IGF2BP1: variants seen among roughly 807,000 people sequenced by gnomAD.
IGF2BP1 encodes the protein insulin-like growth factor 2 mRNA-binding protein 1.
Under a neutral mutation model 74.9 loss-of-function variants are expected in IGF2BP1, and 11 were observed. The observed-to-expected ratio is 0.15, with a 90% CI of 0.09 to 0.24. The LOEUF is 0.24. Among genes scored for constraint, IGF2BP1 ranks in the 10% least tolerant of loss-of-function variants. IGF2BP1 has a pLI of 1.00. For synonymous variants in IGF2BP1, 287 were observed against 281.8 expected, an observed-to-expected ratio of 1.02 and a Z score of -0.18; for missense variants, 440 against 757.4, an observed-to-expected ratio of 0.58 and a Z score of 4.92.
intron 2 of IGF2BP1, among the ~76,000 whole-genome samples, chr17:49,001,442 A>G (rs1260812914): frequency 6.6e-6 from 1 of 152,216 alleles, no homozygotes; most frequent in Admixed American, 6.5e-5. Flanking sequence ...AAAACCCAAC[A>G]ACTAAATGTT....
In IGF2BP1 at chr17:49,031,899, T is replaced by C. The variant is rs752441238; in HGVS notation, c.338-11T>C. The C allele has an allele frequency of 2.5e-6, 4 of 1,613,228 alleles. No homozygotes were observed. The highest frequency in any genetic ancestry group is 3.4e-6 in the Non-Finnish European group (4 of 1,179,384). On this transcript the variant is annotated splice_polypyrimidine_tract_variant and intron_variant, in intron 4 of 14. Coordinates refer to ENST00000290341, the MANE Select transcript of IGF2BP1 (RefSeq NM_006546.4). Reference sequence around the variant, plus strand: ...TCCCTGCTCTGAGGTTATCCTCTCTTTTCTCTGCAGTGAACACCGAGAGTG... The same window carrying C: ...TCCCTGCTCTGAGGTTATCCTCTCTCTTCTCTGCAGTGAACACCGAGAGTG...
intron 9 of IGF2BP1, 111 bp downstream of exon 9, chr17:49,042,488 T>C (rs1337592153): frequency 8.7e-7 from 1 of 1,153,892 alleles, no homozygotes; most frequent in Non-Finnish European, 1.3e-6. Context: ...CTTGGAGCTT[T>C]AGTTGATGCT....
At chr17:49,015,194 A>C (rs2143990311) in intron 2 of IGF2BP1, among the ~76,000 whole-genome samples, 1 of 152,178 alleles carries the variant, frequency 6.6e-6, no homozygotes, top group South Asian at 2.1e-4. Flanking sequence ...GCTGGTCTCG[A>C]ACTTCTGACT....
chr17:48,999,078 C>G (rs758867094), intron 1 of IGF2BP1, 31 bp from the exon 2 acceptor site: 4 of 1,331,112 alleles, frequency 3.0e-6, no homozygotes, highest in South Asian at 2.3e-5. Context: ...TGTTCAAGCT[C>G]TCATGGTAAT....
chr17:49,025,474 AGT>A, intron 2 of IGF2BP1, 142 bp from the exon 3 acceptor site: 2 of 733,606 alleles, frequency 2.7e-6, no homozygotes, highest in Non-Finnish European at 4.6e-6. Flanking sequence ...CATTCCTAAA[AGT>A]GTATTCTTAG....
At chr17:49,042,443 G>T in intron 9 of IGF2BP1, 66 bp downstream of exon 9, 1 of 1,569,994 alleles carries the variant, frequency 6.4e-7, no homozygotes, top group South Asian at 1.1e-5. Flanking sequence ...CTTGTGGGGT[G>T]CAGGGTGATG....
At chr17:49,027,094 A>AG (rs1441363327) in intron 4 of IGF2BP1, among the ~76,000 whole-genome samples, 1 of 152,336 alleles carries the variant, frequency 6.6e-6, no homozygotes, top group East Asian at 1.9e-4. Context: ...GAAGAAAGGC[A>AG]GATAGAATGT....
At chr17:49,013,475 CG>C in intron 2 of IGF2BP1, 1 of 152,680 alleles carries the variant, frequency 6.5e-6, no homozygotes, top group South Asian at 2.1e-4. Context: ...TGCCGCCTCC[CG>C]GGCCATTTTC....
intron 4 of IGF2BP1, among the ~76,000 whole-genome samples, chr17:49,029,363 C>T (rs915850528): frequency 3.3e-5 from 5 of 152,088 alleles, no homozygotes; most frequent in South Asian, 2.1e-4. Context: ...GCCTGTAATC[C>T]GAGGACTTTG....
intron 2 of IGF2BP1, among the ~76,000 whole-genome samples, chr17:49,001,571 CT>C (rs2041488335): frequency 6.6e-6 from 1 of 151,898 alleles, no homozygotes; most frequent in Non-Finnish European, 1.5e-5. Flanking sequence ...TAATTTGTAC[CT>C]TTTTAAGAAC....
chr17:49,030,677 G>A (rs2041911750), intron 4 of IGF2BP1, among the ~76,000 whole-genome samples: 1 of 151,368 alleles, frequency 6.6e-6, no homozygotes, highest in Non-Finnish European at 1.5e-5. Context: ...CCAGGCTGGA[G>A]TGTAGTGGCA....
chr17:48,997,781 C>T lies in IGF2BP1; in HGVS notation c.36C>T (p.Ser12=). 6.2e-7 allele frequency: 1 copy of T among 1,614,078 alleles called. No individual in the cohort carries two copies. The highest frequency in any genetic ancestry group is 1.1e-5 in the South Asian group (1 of 91,044). The change falls in exon 1 of 15, where the codon AGC becomes AGT. Residue 12 remains serine, a synonymous_variant. Coordinates refer to ENST00000290341, the MANE Select transcript of IGF2BP1 (RefSeq NM_006546.4). This position sits in a 1 kb window ranked among gnomAD's most constrained non-coding sequence, Gnocchi z 4.8. The part of the protein sequence containing the change: ...NKLYIGNLNE[S]VTPADLEKVF... ...TTTACATCGGCAACCTCAACGAGAGCGTGACCCCCGCGGACTTGGAGAAAG... is the reference window on the plus strand; with the variant it reads ...TTTACATCGGCAACCTCAACGAGAGTGTGACCCCCGCGGACTTGGAGAAAG...
In IGF2BP1 at chr17:49,034,765, C is replaced by A. The variant is rs867795170; in HGVS notation, c.401+2792C>A. 5.2e-3 allele frequency among the ~76,000 whole-genome samples: 721 copies of A among 137,496 alleles called. 5 individuals are homozygous for A. Among genetic ancestry groups the A allele is most frequent in the African/African-American group, 0.017 (616 of 35,622 alleles). The allele number at this position is 137,496 out of a possible 152,430, so 90.2% of individuals were successfully genotyped here. On this transcript the variant is annotated intron_variant, in intron 5 of 14. Coordinates refer to ENST00000290341, the MANE Select transcript of IGF2BP1 (RefSeq NM_006546.4). ...AAAAACACAAAAAAAACAAAAAAAA[C>A]AAAAAAAACGAAAAACCAAAAACAC...
In IGF2BP1 at chr17:49,054,511, C is replaced by T. The variant is rs1051641651; in HGVS notation, c.*5067C>T. ...CAGGCAGGCCTGCCAGGATCCCCCC[C>T]ATATCGATTGGGCTGGGAGGGCTGG... On this transcript the variant is annotated 3_prime_UTR_variant, in exon 15 of 15. Coordinates refer to ENST00000290341, the MANE Select transcript of IGF2BP1 (RefSeq NM_006546.4). 3 of 152,502 alleles carry T rather than the reference C, an allele frequency of 2.0e-5. No homozygotes were observed. Among genetic ancestry groups the T allele is most frequent in the African/African-American group, 4.8e-5 (2 of 41,468 alleles). The allele number at this position is 152,502 out of a possible 1,614,324, so 9.4% of individuals were successfully genotyped here. A position where few individuals can be genotyped will look rare whatever the true frequency, so the allele number is the denominator to read the frequency against.
At chr17:49,022,949 A>ATC (rs1274247317) in intron 2 of IGF2BP1, among the ~76,000 whole-genome samples, 1 of 152,266 alleles carries the variant, frequency 6.6e-6, no homozygotes, top group African/African-American at 2.4e-5. Context: ...TGTTCCCTTG[A>ATC]GGGAGGTCCT....
At chr17:49,011,666 G>T (rs1320066501) in intron 2 of IGF2BP1, among the ~76,000 whole-genome samples, 1 of 151,754 alleles carries the variant, frequency 6.6e-6, no homozygotes, top group African/African-American at 2.4e-5. Flanking sequence ...TCCAGCCTGG[G>T]TGACAGAATG....
chr17:49,041,527 T>G, intron 8 of IGF2BP1, 27 bp downstream of exon 8: 1 of 1,613,688 alleles, frequency 6.2e-7, no homozygotes, highest in Non-Finnish European at 8.5e-7. Context: ...TTTCCCTGTT[T>G]ATGAGTGGGG....
At chr17:49,048,700 C>T (rs577665229) in intron 14 of IGF2BP1, among the ~76,000 whole-genome samples, 3 of 152,230 alleles carry the variant, frequency 2.0e-5, no homozygotes, top group African/African-American at 7.2e-5. Context: ...AGGAGGTGAG[C>T]GGCAGACGAG....
At chr17:49,047,517 GT>G (rs147164353) in intron 14 of IGF2BP1, among the ~76,000 whole-genome samples, 13 of 147,284 alleles carry the variant, frequency 8.8e-5, no homozygotes, top group South Asian at 2.2e-4. Context: ...TTAATTCAGC[GT>G]TTTTTTTTTA....
Sources: gnomAD v4.1 joint callset for allele counts (sites outside exome capture counted in the v4.1 genomes callset) on GRCh38, gnomAD v4.1.1 for gene constraint, Gnocchi (gnomAD v3.1) non-coding constraint, MANE v1.5 for transcripts, NCBI Gene and HGNC (gene_info 2026-07-23, HGNC 2026-07-21) for gene names.